BICD1: variants seen among roughly 807,000 people sequenced by gnomAD.
BICD1 encodes the protein protein bicaudal D homolog 1.
A neutral mutation model predicts 92.5 loss-of-function variants in BICD1; 35 were observed. That is an observed-to-expected ratio of 0.38 (90% confidence interval 0.29 to 0.50). The LOEUF is 0.50. Among genes scored for constraint, BICD1 ranks in the 20% least tolerant of loss-of-function variants. BICD1 has a pLI of 0.93. For synonymous variants in BICD1, 429 were observed against 465.1 expected, an observed-to-expected ratio of 0.92 and a Z score of 1.00; for missense variants, 950 against 1,189.8, an observed-to-expected ratio of 0.80 and a Z score of 2.97.
At chr12:32,261,194 G>T (rs1946848587) in intron 2 of BICD1, among the ~76,000 whole-genome samples, 1 of 151,990 alleles carries the variant, frequency 6.6e-6, no homozygotes, top group Admixed American at 6.5e-5. Context: ...ACTTATGGAT[G>T]ACCCATGTGC....
chr12:32,131,133 C>A (rs1317463515), intron 1 of BICD1, among the ~76,000 whole-genome samples: 2 of 152,170 alleles, frequency 1.3e-5, no homozygotes, highest in South Asian at 4.1e-4. Flanking sequence ...CCACGCCAGG[C>A]TGCTCCGTGA....
In BICD1 at chr12:32,324,364, CA is replaced by C. The variant is rs928205068; in HGVS notation, c.1006-3086del. ...GCTAGACTCCATCTCAAAAAAAAAA[CA>C]AAAAAAAAAACTTAGGACACTGAGC... On this transcript the variant is annotated intron_variant, in intron 4 of 9. Transcript: ENST00000652176. Among the ~76,000 whole-genome samples, 35 of 131,074 alleles carry C rather than the reference CA, an allele frequency of 2.7e-4. No individual in the cohort carries two copies. In the East Asian group the frequency reaches 6.0e-3, roughly 22 times the overall value. 86.0% of individuals were successfully genotyped at this position (131,074 alleles called of 152,430 possible).
intron 1 of BICD1, among the ~76,000 whole-genome samples, chr12:32,112,844 A>G (rs1941748981): frequency 6.6e-6 from 1 of 152,216 alleles, no homozygotes; most frequent in Admixed American, 6.5e-5. Context: ...TGATAAGAAG[A>G]TAATAAAAAT....
At chr12:32,190,415 G>A (rs1044796726) in intron 1 of BICD1, among the ~76,000 whole-genome samples, 20 of 152,150 alleles carry the variant, frequency 1.3e-4, no homozygotes, top group Non-Finnish European at 1.0e-4. Context: ...AATATTCCAC[G>A]CAAATAGTAA....
intron 8 of BICD1, among the ~76,000 whole-genome samples, chr12:32,346,709 C>T (rs748627911): frequency 7.4e-6 from 1 of 135,892 alleles, no homozygotes; most frequent in Non-Finnish European, 1.6e-5. Context: ...TTCTGTTTTT[C>T]TTATTCAGTC....
At chr12:32,241,557 C>T (rs566299887) in intron 2 of BICD1, among the ~76,000 whole-genome samples, 1 of 152,282 alleles carries the variant, frequency 6.6e-6, no homozygotes, top group African/African-American at 2.4e-5. Context: ...AAGCCAGGTT[C>T]TTCTCTGTGT....
chr12:32,141,749 C>T (rs1422554783), intron 1 of BICD1, among the ~76,000 whole-genome samples: 1 of 152,194 alleles, frequency 6.6e-6, no homozygotes, highest in African/African-American at 2.4e-5. Context: ...GCTGGGATTA[C>T]AGGCGTGAGC....
At chr12:32,126,373 C>T (rs772264424) in intron 1 of BICD1, among the ~76,000 whole-genome samples, 23 of 151,928 alleles carry the variant, frequency 1.5e-4, no homozygotes, top group Admixed American at 3.3e-4. Flanking sequence ...TGAGAGTGAA[C>T]GCAGGTTGGT....
At chr12:32,374,415 TAA>T (rs1043288030) in intron 9 of BICD1, among the ~76,000 whole-genome samples, 2 of 151,812 alleles carry the variant, frequency 1.3e-5, no homozygotes, top group African/African-American at 2.4e-5. Flanking sequence ...GTCAGCAGTC[TAA>T]GTCATGCATA....
At position 32,108,351 on chromosome 12, in the gene BICD1, T is replaced by C. The variant is rs115586432; in HGVS notation, c.213+807T>C. ...TGATGTATAATGTCTCTTTAGTTTT[T>C]TGGTATTTGGCCTCTTTTAAAGCCT... On this transcript the variant is annotated intron_variant, in intron 1 of 9. Coordinates refer to ENST00000652176, the MANE Select transcript of BICD1 (RefSeq NM_001714.4). The C allele has an allele frequency of 3.5e-3, 863 of 245,482 alleles. 6 individuals carry two copies. Among genetic ancestry groups the C allele is most frequent in the African/African-American group, 0.018 (807 of 44,776 alleles). The allele number at this position is 245,482 out of a possible 1,614,324, so 15.2% of individuals were successfully genotyped here.
chr12:32,369,912 CAAAT>C (rs1364819507), intron 9 of BICD1, among the ~76,000 whole-genome samples: 3 of 152,030 alleles, frequency 2.0e-5, no homozygotes, highest in African/African-American at 7.2e-5. Context: ...TCTCAAAAAA[CAAAT>C]AAATAAATAA....
At position 32,171,145 on chromosome 12, in the gene BICD1, C is replaced by T. The variant is rs111655927; in HGVS notation, c.214-45102C>T. Reference sequence around the variant, plus strand: ...TCTCAATAGAGAAATTCTACATTCCCGCCTGTTGAAAGCAGACATGGTTAC... The same window carrying T: ...TCTCAATAGAGAAATTCTACATTCCTGCCTGTTGAAAGCAGACATGGTTAC... On this transcript the variant is annotated intron_variant, in intron 1 of 9. Coordinates refer to ENST00000652176, the MANE Select transcript of BICD1 (RefSeq NM_001714.4). Among the ~76,000 whole-genome samples the T allele has an allele frequency of 2.8e-3, 419 of 152,266 alleles. 4 individuals are homozygous for T. Among genetic ancestry groups the T allele is most frequent in the African/African-American group, 9.7e-3 (401 of 41,552 alleles).
intron 1 of BICD1, among the ~76,000 whole-genome samples, chr12:32,164,457 C>T (rs1009628072): frequency 2.0e-5 from 3 of 152,190 alleles, no homozygotes; most frequent in South Asian, 2.1e-4. Context: ...TTTACTACCA[C>T]GCAATCCTAT....
chr12:32,195,781 C>G (rs1326750127), intron 1 of BICD1, among the ~76,000 whole-genome samples: 1 of 151,988 alleles, frequency 6.6e-6, no homozygotes, highest in Admixed American at 6.6e-5. Context: ...TGAAATGGGA[C>G]TATGTTAAAC....
intron 1 of BICD1, among the ~76,000 whole-genome samples, chr12:32,142,982 T>C (rs2668301): frequency 0.18 from 27,366 of 152,238 alleles, 2,550 homozygotes; most frequent in East Asian, 0.22. Context: ...TTCTCTCTTC[T>C]CAACCTATTC....
chr12:32,374,734 A>ATTTTTTTTTTTTTT (rs1179747608), intron 9 of BICD1, among the ~76,000 whole-genome samples: 8 of 80,122 alleles, frequency 1.0e-4, no homozygotes, highest in Non-Finnish European at 1.3e-4. Flanking sequence ...CGCCCGGCTA[A>ATTTTTTTTTTTTTT]TTTTTTTTTT....
At chr12:32,118,892 T>C (rs1479913403) in intron 1 of BICD1, among the ~76,000 whole-genome samples, 1 of 152,226 alleles carries the variant, frequency 6.6e-6, no homozygotes, top group East Asian at 1.9e-4. Flanking sequence ...AGATACAGCG[T>C]TGAACAAGAC....
intron 2 of BICD1, among the ~76,000 whole-genome samples, chr12:32,222,240 T>A (rs1030909020): frequency 2.6e-5 from 4 of 152,220 alleles, no homozygotes; most frequent in Admixed American, 2.0e-4. Context: ...TCAGGTGGAA[T>A]GCAGAAGATT....
chr12:32,183,730 T>A (rs907079579), intron 1 of BICD1, among the ~76,000 whole-genome samples: 2 of 152,178 alleles, frequency 1.3e-5, no homozygotes, highest in Non-Finnish European at 2.9e-5. Flanking sequence ...CTAAGAAGAA[T>A]GTGTATTCAG....
Sources: gnomAD v4.1 joint callset for allele counts (sites outside exome capture counted in the v4.1 genomes callset) on GRCh38, gnomAD v4.1.1 for gene constraint, MANE v1.5 for transcripts, NCBI Gene and HGNC (gene_info 2026-07-23, HGNC 2026-07-21) for gene names.